Variants in OTULIN observed in about 807,000 individuals in gnomAD.
The protein encoded by OTULIN is OTU deubiquitinase with linear linkage specificity.
In OTULIN, 15 loss-of-function variants were observed where a neutral mutation model predicts 39.6. The ratio of observed to expected loss-of-function variants is 0.38; its 90% CI spans 0.25 to 0.58. OTULIN has a LOEUF of 0.58. OTULIN is among the 20% of genes least tolerant of loss of function. OTULIN has a pLI of 0.66. For synonymous variants in OTULIN, 156 were observed against 170.3 expected, an observed-to-expected ratio of 0.92 and a Z score of 0.65; for missense variants, 319 against 445.9, an observed-to-expected ratio of 0.72 and a Z score of 2.56.
chr5:14,673,151 T>C (rs1437256702), intron 1 of OTULIN, among the ~76,000 whole-genome samples: 2 of 152,160 alleles, frequency 1.3e-5, no homozygotes, highest in African/African-American at 4.8e-5. Flanking sequence ...CTTTGGCGAT[T>C]TGTAATAACT....
chr5:14,667,686 T>G (rs903538161), intron 1 of OTULIN, among the ~76,000 whole-genome samples: 2 of 152,164 alleles, frequency 1.3e-5, no homozygotes, highest in Non-Finnish European at 1.5e-5. Flanking sequence ...TGAACTACTT[T>G]GTATATCTCA....
In OTULIN at chr5:14,677,175, G is replaced by A. The variant is rs140406469; in HGVS notation, c.230-1506G>A. On this transcript the variant is annotated intron_variant, in intron 2 of 6. Transcript: ENST00000284274. ...ACCTAAACTGCAAGGAGGATTTAGG[G>A]CCTCTTTTGTGCTCCTAATCATCCT... 4.9e-3 allele frequency among the ~76,000 whole-genome samples: 747 copies of A among 151,988 alleles called. 7 individuals carry two copies. Among genetic ancestry groups the A allele is most frequent in the African/African-American group, 0.017 (698 of 41,444 alleles).
Position 14,699,581 on chromosome 5 carries a change from G to GTC in OTULIN, c.*6534_*6535insCT, listed in dbSNP as rs1253064178. On this transcript the variant is annotated 3_prime_UTR_variant, in exon 7 of 7. Coordinates refer to ENST00000284274, the MANE Select transcript of OTULIN (RefSeq NM_138348.6). The stretch of plus-strand genomic sequence containing the variant: ...GAATTACGATGCTCTGCTCAACTCT[G>GTC]TGGACAGTGTTTCTTGAATTTCCTT... 2 of 152,194 alleles carry GTC rather than the reference G, an allele frequency of 1.3e-5. No individual in the cohort carries two copies. The highest frequency in any genetic ancestry group is 4.8e-5 in the African/African-American group (2 of 41,430). 9.4% of individuals were successfully genotyped at this position (152,194 alleles called of 1,614,324 possible). A position where few individuals can be genotyped will look rare whatever the true frequency, so the allele number is the denominator to read the frequency against.
At chr5:14,675,875 C>T (rs1207448652) in intron 2 of OTULIN, among the ~76,000 whole-genome samples, 3 of 152,232 alleles carry the variant, frequency 2.0e-5, no homozygotes, top group Non-Finnish European at 4.4e-5. Flanking sequence ...TGAGAGTCAG[C>T]AAACAATGGT....
chr5:14,700,104 G>T (rs541147081), downstream of OTULIN, among the ~76,000 whole-genome samples: 1 of 152,304 alleles, frequency 6.6e-6, no homozygotes, highest in South Asian at 2.1e-4. Context: ...TTTCATTTGC[G>T]TAAACCATTT....
Position 14,678,681 on chromosome 5 carries a change from A to G in OTULIN, c.230A>G (p.Glu77Gly). 1 of 1,572,728 alleles carries G rather than the reference A, an allele frequency of 6.4e-7. No homozygotes were observed. The highest frequency in any genetic ancestry group is 8.6e-7 in the Non-Finnish European group (1 of 1,164,808). The change falls in exon 3 of 7, where the codon GAA (glutamate) becomes GGA (glycine). Residue 77 changes from glutamate (E) to glycine (G), a missense_variant and splice_region_variant. By Grantham distance (98) the Glu-to-Gly change is moderately conservative. Coordinates refer to ENST00000284274, the MANE Select transcript of OTULIN (RefSeq NM_138348.6). ...ELLIHERGASEPRLSVAPEMD... is the reference protein window; with the variant it reads ...ELLIHERGASGPRLSVAPEMD... ...TTTTTTTTTTTAAATTCTTTAACAG[A>G]ACCGAGATTAAGCGTAGCTCCTGAA...
intron 1 of OTULIN, among the ~76,000 whole-genome samples, chr5:14,668,911 A>G (rs1735915665): frequency 6.6e-6 from 1 of 152,234 alleles, no homozygotes; most frequent in Admixed American, 6.5e-5. Context: ...TACAGTAAGC[A>G]TGTTTAAAAT....
chr5:14,713,685 G>A, the OTULIN span: 3 of 1,613,112 alleles, frequency 1.9e-6, no homozygotes, highest in Admixed American at 3.3e-5. This position sits in a 1 kb window ranked among gnomAD's most constrained non-coding sequence, Gnocchi z 4.4. Flanking sequence ...GAGGAGCAAA[G>A]GACTCGTCAG....
chr5:14,689,488 T>A (rs1269260848), intron 5 of OTULIN, among the ~76,000 whole-genome samples: 2 of 152,264 alleles, frequency 1.3e-5, no homozygotes, highest in Non-Finnish European at 2.9e-5. Context: ...ATTACTTTAT[T>A]CTTAATCCGG....
Position 14,690,336 on chromosome 5 carries a change from C to T in OTULIN, c.864+28C>T, listed in dbSNP as rs547396982. On this transcript the variant is annotated intron_variant, in intron 6 of 6. Coordinates refer to ENST00000284274, the MANE Select transcript of OTULIN (RefSeq NM_138348.6). This position sits in a 1 kb window ranked among gnomAD's most constrained non-coding sequence, Gnocchi z 4.5. ...AAGTTGTGCTTTTGAGCATGTATTA[C>T]CCCAAAATAAAGCAGCTTTACTGAT... 2 of 1,601,038 alleles carry T rather than the reference C, an allele frequency of 1.2e-6. No homozygotes were observed. Among genetic ancestry groups the T allele is most frequent in the African/African-American group, 2.7e-5 (2 of 74,318 alleles).
downstream of OTULIN, among the ~76,000 whole-genome samples, chr5:14,700,559 A>T (rs936451382): frequency 6.2e-5 from 1 of 16,012 alleles, no homozygotes. Flanking sequence ...CCCCATGCCC[A>T]CCCTCCCCAA....
intron 4 of OTULIN, among the ~76,000 whole-genome samples, chr5:14,686,376 C>T (rs1206054648): frequency 2.0e-5 from 3 of 152,142 alleles, no homozygotes; most frequent in African/African-American, 7.2e-5. Context: ...TTATAGCTAA[C>T]TGTAACCTCA....
downstream of OTULIN, among the ~76,000 whole-genome samples, chr5:14,700,109 C>T (rs1432280085): frequency 1.3e-5 from 2 of 152,192 alleles, no homozygotes; most frequent in African/African-American, 4.8e-5. Flanking sequence ...TTTGCGTAAA[C>T]CATTTTCAGG....
the OTULIN span, among the ~76,000 whole-genome samples, chr5:14,714,494 C>G: frequency 6.6e-6 from 1 of 152,150 alleles, no homozygotes; most frequent in Non-Finnish European, 1.5e-5. Flanking sequence ...CAGGCAAGGG[C>G]TCTTGGAGGA....
At chr5:14,672,701 T>G (rs1736009094) in intron 1 of OTULIN, among the ~76,000 whole-genome samples, 2 of 152,326 alleles carry the variant, frequency 1.3e-5, no homozygotes, top group African/African-American at 4.8e-5. Context: ...CTCCAGTTCC[T>G]GAGCCTTTCT....
chr5:14,707,926 C>G, the OTULIN span: 2 of 152,026 alleles, frequency 1.3e-5, no homozygotes, highest in Non-Finnish European at 2.9e-5. Flanking sequence ...TGTTTTTTAC[C>G]CAGAAATGCA....
At chr5:14,713,521 C>T in the OTULIN span, 1 of 1,613,594 alleles carries the variant, frequency 6.2e-7, no homozygotes, top group Admixed American at 1.7e-5. The surrounding 1 kb of genome is among the most constrained non-coding windows in gnomAD (Gnocchi z 4.4). Flanking sequence ...GGACCCACAG[C>T]CCCAAACTCC....
rs1736733753 is a variant in OTULIN at position 14,698,639 on chromosome 5, T to G, written c.*5591T>G. 1 of 152,238 alleles carries G rather than the reference T, an allele frequency of 6.6e-6. No individual in the cohort carries two copies. Among genetic ancestry groups the G allele is most frequent in the African/African-American group, 2.4e-5 (1 of 41,452 alleles). 9.4% of individuals were successfully genotyped at this position (152,238 alleles called of 1,614,324 possible). A position where few individuals can be genotyped will look rare whatever the true frequency, so the allele number is the denominator to read the frequency against. ...GGCTCTGTTGCTGTGGTCAAATGCT[T>G]GCCTTTGAGGACTTTGGCAGATTGT... On this transcript the variant is annotated 3_prime_UTR_variant, in exon 7 of 7. Coordinates refer to ENST00000284274, the MANE Select transcript of OTULIN (RefSeq NM_138348.6).
At chr5:14,679,748 A>C (rs1287660373) in intron 3 of OTULIN, among the ~76,000 whole-genome samples, 1 of 152,218 alleles carries the variant, frequency 6.6e-6, no homozygotes, top group African/African-American at 2.4e-5. Context: ...AGAAAAATCT[A>C]GCTGCCACTT....
Sources: gnomAD v4.1 joint callset for allele counts (sites outside exome capture counted in the v4.1 genomes callset) on GRCh38, gnomAD v4.1.1 for gene constraint, Gnocchi (gnomAD v3.1) non-coding constraint, MANE v1.5 for transcripts, NCBI Gene and HGNC (gene_info 2026-07-23, HGNC 2026-07-21) for gene names.